KHDRBS2: variants seen among roughly 807,000 people sequenced by gnomAD.
The protein encoded by KHDRBS2 is KH domain-containing, RNA-binding, signal transduction-associated protein 2.
Under a neutral mutation model 44.3 loss-of-function variants are expected in KHDRBS2, and 26 were observed. The observed-to-expected ratio is 0.59, with a 90% CI of 0.43 to 0.81. The LOEUF is 0.81. Ranked by LOEUF, KHDRBS2 falls within the 40% of genes least tolerant of loss-of-function variation. The pLI is 0.00. For missense variants in KHDRBS2, 476 were observed against 433.1 expected, an observed-to-expected ratio of 1.10 and a Z score of -0.88; for synonymous variants, 194 against 151.1, an observed-to-expected ratio of 1.28 and a Z score of -2.08.
intron 1 of KHDRBS2, among the ~76,000 whole-genome samples, chr6:62,180,898 T>A (rs1822128612): frequency 6.6e-6 from 1 of 151,728 alleles, no homozygotes; most frequent in Admixed American, 6.6e-5. Context: ...ACATGTATGT[T>A]CAATTGTTCT....
intron 2 of KHDRBS2, among the ~76,000 whole-genome samples, chr6:62,107,839 G>T (rs1314975394): frequency 1.3e-5 from 2 of 152,098 alleles, no homozygotes; most frequent in Non-Finnish European, 2.9e-5. Context: ...AACGAACAAT[G>T]GGGAAAGGAT....
intron 3 of KHDRBS2, among the ~76,000 whole-genome samples, chr6:61,998,215 C>A (rs1777579183): frequency 1.3e-5 from 2 of 152,072 alleles, no homozygotes; most frequent in African/African-American, 4.8e-5. Flanking sequence ...AATAAAAAAT[C>A]TTTAATGCAG....
At chr6:61,900,081 T>G (rs1402320599) in intron 5 of KHDRBS2, among the ~76,000 whole-genome samples, 1 of 152,016 alleles carries the variant, frequency 6.6e-6, no homozygotes, top group Non-Finnish European at 1.5e-5. Context: ...AAAATATAAA[T>G]AAGCTCTAGA....
At chr6:62,192,772 T>C (rs1214222591) in intron 1 of KHDRBS2, among the ~76,000 whole-genome samples, 1 of 152,100 alleles carries the variant, frequency 6.6e-6, no homozygotes, top group Non-Finnish European at 1.5e-5. Context: ...ACTCAGCACA[T>C]GTTATAGAGA....
intron 6 of KHDRBS2, among the ~76,000 whole-genome samples, chr6:61,881,248 A>C (rs1800165361): frequency 6.6e-6 from 1 of 151,902 alleles, no homozygotes. Flanking sequence ...TGCAATATCC[A>C]TTGGAAAAAG....
chr6:61,583,407 G>C, the KHDRBS2 span, among the ~76,000 whole-genome samples: 1 of 151,668 alleles, frequency 6.6e-6, no homozygotes, highest in Non-Finnish European at 1.5e-5. Context: ...ACAGTTTGGG[G>C]CCAATATGAA....
chr6:61,953,706 T>C (rs1765264964), intron 4 of KHDRBS2, among the ~76,000 whole-genome samples: 2 of 152,068 alleles, frequency 1.3e-5, no homozygotes, highest in South Asian at 2.1e-4. Flanking sequence ...GACCCACCCA[T>C]GCTCTAGAAA....
At chr6:61,565,984 G>T in the KHDRBS2 span, among the ~76,000 whole-genome samples, 2 of 140,586 alleles carry the variant, frequency 1.4e-5, no homozygotes, top group Non-Finnish European at 3.1e-5. Context: ...CAGATGTATG[G>T]GTAAAGAAAA....
chr6:61,909,940 C>CA (rs917831234), intron 4 of KHDRBS2, among the ~76,000 whole-genome samples: 1 of 152,166 alleles, frequency 6.6e-6, no homozygotes, highest in Admixed American at 6.5e-5. Context: ...CCACTGGTAA[C>CA]ATGTGAACAT....
At chr6:62,105,768 T>C (rs1473184695) in intron 2 of KHDRBS2, among the ~76,000 whole-genome samples, 1 of 152,134 alleles carries the variant, frequency 6.6e-6, no homozygotes, top group African/African-American at 2.4e-5. Context: ...TTTTTGTGTC[T>C]CTATTTCCTT....
intron 6 of KHDRBS2, among the ~76,000 whole-genome samples, chr6:61,865,912 G>T (rs779840216): frequency 6.6e-6 from 1 of 152,206 alleles, no homozygotes; most frequent in Non-Finnish European, 1.5e-5. Flanking sequence ...GATGCAAGAG[G>T]TGGGCTCCCA....
chr6:61,924,760 CTT>C (rs533032290), intron 4 of KHDRBS2, among the ~76,000 whole-genome samples: 126 of 151,674 alleles, frequency 8.3e-4, no homozygotes, highest in Non-Finnish European at 1.2e-3. Flanking sequence ...TTATTTTAAA[CTT>C]CATTCAATTT....
chr6:61,563,458 T>A, the KHDRBS2 span, among the ~76,000 whole-genome samples: 3 of 152,146 alleles, frequency 2.0e-5, no homozygotes, highest in Admixed American at 6.6e-5. Context: ...TACAGAGATT[T>A]CTGTTTTAAG....
chr6:61,551,707 G>T, the KHDRBS2 span, among the ~76,000 whole-genome samples: 1 of 152,062 alleles, frequency 6.6e-6, no homozygotes, highest in Non-Finnish European at 1.5e-5. Flanking sequence ...TCTCTATTCT[G>T]TCCCACTAGT....
intron 4 of KHDRBS2, among the ~76,000 whole-genome samples, chr6:61,955,098 GTA>G (rs1304974866): frequency 2.9e-4 from 35 of 118,704 alleles, no homozygotes; most frequent in Non-Finnish European, 6.4e-4. Flanking sequence ...ATACATATAT[GTA>G]TATATACACA....
intron 3 of KHDRBS2, among the ~76,000 whole-genome samples, chr6:61,993,265 A>G (rs1186507156): frequency 2.0e-5 from 3 of 152,114 alleles, no homozygotes; most frequent in East Asian, 1.9e-4. Context: ...CCTACTAGCC[A>G]TGACAGATGT....
At chr6:62,189,634 C>T (rs935624459) in intron 1 of KHDRBS2, among the ~76,000 whole-genome samples, 2 of 151,918 alleles carry the variant, frequency 1.3e-5, no homozygotes, top group African/African-American at 4.8e-5. Flanking sequence ...TTGCACTAGA[C>T]CAGGTGAGAT....
the KHDRBS2 span, among the ~76,000 whole-genome samples, chr6:61,559,041 G>T: frequency 6.6e-6 from 1 of 151,882 alleles, no homozygotes; most frequent in Non-Finnish European, 1.5e-5. Context: ...TTTTATGATG[G>T]GGTCTCTCTC....
chr6:61,568,933 A>G, the KHDRBS2 span, among the ~76,000 whole-genome samples: 1 of 151,894 alleles, frequency 6.6e-6, no homozygotes, highest in Non-Finnish European at 1.5e-5. Flanking sequence ...TGGGGAGAAA[A>G]TGGGAACTAC....
Sources: gnomAD v4.1 joint callset for allele counts (sites outside exome capture counted in the v4.1 genomes callset) on GRCh38, gnomAD v4.1.1 for gene constraint, MANE v1.5 for transcripts, NCBI Gene and HGNC (gene_info 2026-07-23, HGNC 2026-07-21) for gene names.